RAPGEF4: variants seen among roughly 807,000 people sequenced by gnomAD.
The protein encoded by RAPGEF4 is RAP guanine-nucleotide-exchange factor (GEF) 4.
RAPGEF4 carries 66 observed loss-of-function variants against 147.9 expected under a neutral mutation model. The observed-to-expected ratio is 0.45, with a 90% confidence interval of 0.37 to 0.55. The LOEUF (loss-of-function observed/expected upper bound fraction) is 0.55, where lower values mean the gene tolerates loss of function less well. Ranked by LOEUF, RAPGEF4 falls within the 20% of genes least tolerant of loss-of-function variation. The pLI, the probability that RAPGEF4 is intolerant of heterozygous loss-of-function variation, is 0.00. For synonymous variants in RAPGEF4, 419 were observed against 442.7 expected (o/e 0.95, Z 0.67); for missense variants, 1,071 against 1,257.3 (o/e 0.85, Z 2.24).
chr2:172,988,577 A>G, intron 13 of RAPGEF4, 116 bp from the exon 14 acceptor site: 1 of 1,238,296 alleles, frequency 8.1e-7, no homozygotes, highest in Non-Finnish European at 1.1e-6. Context: ...TGGCATCGCT[A>G]GGTACAGCCC....
At chr2:172,960,175 G>GTA (rs1689141112) in intron 6 of RAPGEF4, among the ~76,000 whole-genome samples, 1 of 152,106 alleles carries the variant, frequency 6.6e-6, no homozygotes, top group Non-Finnish European at 1.5e-5. Flanking sequence ...CCTGAACTCT[G>GTA]TACACTTTCT....
At chr2:172,998,954 T>C (rs1693635145) in intron 16 of RAPGEF4, among the ~76,000 whole-genome samples, 1 of 152,210 alleles carries the variant, frequency 6.6e-6, no homozygotes, top group Non-Finnish European at 1.5e-5. Flanking sequence ...TAGCCTTCCT[T>C]TCAAGTCACC....
intron 23 of RAPGEF4, among the ~76,000 whole-genome samples, chr2:173,024,149 A>G (rs1297492490): frequency 1.3e-5 from 2 of 152,110 alleles, no homozygotes; most frequent in Non-Finnish European, 2.9e-5. Flanking sequence ...TTTCGCTCCT[A>G]CATCCAGGTG....
chr2:172,893,239 A>T (rs1698125513), intron 4 of RAPGEF4, among the ~76,000 whole-genome samples: 1 of 152,208 alleles, frequency 6.6e-6, no homozygotes, highest in Admixed American at 6.5e-5. Flanking sequence ...TGGGACAGAG[A>T]GAGGAAACAC....
At chr2:173,017,640 C>T in intron 21 of RAPGEF4, 136 bp downstream of exon 21, 1 of 769,258 alleles carries the variant, frequency 1.3e-6, no homozygotes, top group African/African-American at 1.8e-5. Flanking sequence ...CTTGGAGGTG[C>T]CCTTTGGTGG....
At chr2:173,009,510 C>T (rs556650376) in intron 17 of RAPGEF4, among the ~76,000 whole-genome samples, 1 of 152,220 alleles carries the variant, frequency 6.6e-6, no homozygotes, top group East Asian at 1.9e-4. Flanking sequence ...ATCTGAAAAT[C>T]CAAAATCCAA....
intron 1 of RAPGEF4, among the ~76,000 whole-genome samples, chr2:172,745,997 G>A (rs988987057): frequency 6.6e-5 from 10 of 152,150 alleles, no homozygotes; most frequent in African/African-American, 2.2e-4. Flanking sequence ...TTAATCCAAG[G>A]AAAGATTGTA....
At chr2:172,810,299 T>A (rs1687901940) in intron 3 of RAPGEF4, among the ~76,000 whole-genome samples, 1 of 152,218 alleles carries the variant, frequency 6.6e-6, no homozygotes, top group South Asian at 2.1e-4. Flanking sequence ...GTGTCTGCAA[T>A]TTATTAAGCA....
At chr2:172,993,741 C>T (rs1397471520) in intron 15 of RAPGEF4, among the ~76,000 whole-genome samples, 1 of 152,138 alleles carries the variant, frequency 6.6e-6, no homozygotes, top group Non-Finnish European at 1.5e-5. Context: ...TGTGTCTGGC[C>T]AGAAGTTCCT....
intron 4 of RAPGEF4, among the ~76,000 whole-genome samples, chr2:172,876,793 T>C (rs1695984628): frequency 6.6e-6 from 1 of 152,212 alleles, no homozygotes; most frequent in African/African-American, 2.4e-5. Context: ...TCCCTCTTTT[T>C]CTATTGATTG....
intron 3 of RAPGEF4, among the ~76,000 whole-genome samples, chr2:172,811,116 C>T (rs1687980029): frequency 6.6e-6 from 1 of 152,258 alleles, no homozygotes; most frequent in South Asian, 2.1e-4. Context: ...TATCTTCCCA[C>T]TCTCATGTCC....
chr2:172,842,722 A>G (rs1691750243), intron 4 of RAPGEF4, among the ~76,000 whole-genome samples: 3 of 152,328 alleles, frequency 2.0e-5, no homozygotes, highest in Non-Finnish European at 4.4e-5. Flanking sequence ...CTTCAATTTT[A>G]TGACCTGCCT....
chr2:172,943,786 G>A (rs1036914578), intron 6 of RAPGEF4, among the ~76,000 whole-genome samples: 2 of 152,174 alleles, frequency 1.3e-5, no homozygotes, highest in African/African-American at 4.8e-5. Context: ...TTCATAACCT[G>A]AGAACAGTTG....
At chr2:172,974,066 C>A (rs1690802052) in intron 10 of RAPGEF4, among the ~76,000 whole-genome samples, 1 of 152,168 alleles carries the variant, frequency 6.6e-6, no homozygotes, top group Non-Finnish European at 1.5e-5. Context: ...TAACTATAGC[C>A]ACCATTTATC....
chr2:172,750,685 G>T (rs746958803), intron 1 of RAPGEF4, among the ~76,000 whole-genome samples: 1 of 152,092 alleles, frequency 6.6e-6, no homozygotes, highest in Non-Finnish European at 1.5e-5. Context: ...CATTCTAACA[G>T]GTGTGACATT....
intron 4 of RAPGEF4, among the ~76,000 whole-genome samples, chr2:172,865,599 C>CCTCTTCCT (rs1694545940): frequency 6.6e-6 from 1 of 152,038 alleles, no homozygotes; most frequent in South Asian, 2.1e-4. Context: ...TGCCCTCTGC[C>CCTCTTCCT]CTCTTCCTCT....
intron 4 of RAPGEF4, among the ~76,000 whole-genome samples, chr2:172,892,884 T>TG (rs1698081960): frequency 2.6e-5 from 4 of 152,350 alleles, no homozygotes; most frequent in Admixed American, 2.6e-4. Flanking sequence ...CATGCATATA[T>TG]GGCAGACTTC....
At chr2:172,994,135 T>C (rs1036631052) in intron 15 of RAPGEF4, among the ~76,000 whole-genome samples, 2 of 152,220 alleles carry the variant, frequency 1.3e-5, no homozygotes, top group Non-Finnish European at 2.9e-5. Context: ...CTATAGAGCT[T>C]GCAACTTCCC....
intron 1 of RAPGEF4, among the ~76,000 whole-genome samples, chr2:172,781,420 G>T (rs1684668276): frequency 6.6e-6 from 1 of 152,106 alleles, no homozygotes; most frequent in Non-Finnish European, 1.5e-5. Context: ...AAGGAGGGTG[G>T]ATCATTTGAA....
Sources: gnomAD v4.1 joint callset for allele counts (sites outside exome capture counted in the v4.1 genomes callset) on GRCh38, gnomAD v4.1.1 for gene constraint, MANE v1.5 for transcripts, NCBI Gene and HGNC (gene_info 2026-07-23, HGNC 2026-07-21) for gene names.